Variants in LGR5 observed in about 807,000 individuals in gnomAD.
LGR5 encodes the protein leucine rich repeat containing G protein-coupled receptor 5, also known as leucine-rich repeat-containing G protein-coupled receptor 5.
Under a neutral mutation model 76.7 loss-of-function variants are expected in LGR5, and 54 were observed. That is an observed-to-expected ratio of 0.70 (90% CI 0.57 to 0.88). The LOEUF (loss-of-function observed/expected upper bound fraction) is 0.88. Ranked by LOEUF, LGR5 falls within the 40% of genes least tolerant of loss-of-function variation. The pLI is 0.00. For missense variants in LGR5, 1,078 were observed against 1,073.3 expected (o/e 1.00, Z -0.06); for synonymous variants, 406 against 421.9 (o/e 0.96, Z 0.46).
intron 4 of LGR5, among the ~76,000 whole-genome samples, chr12:71,537,550 T>G (rs945404423): frequency 2.0e-5 from 3 of 152,138 alleles, no homozygotes; most frequent in African/African-American, 7.2e-5. Flanking sequence ...AGATACCATA[T>G]TGTACCAACA....
chr12:71,552,054 G>A (rs1481036332), intron 4 of LGR5, among the ~76,000 whole-genome samples: 1 of 151,884 alleles, frequency 6.6e-6, no homozygotes, highest in African/African-American at 2.4e-5. Flanking sequence ...TGGACACAGA[G>A]AGGGGAACAT....
At chr12:71,493,624 A>G (rs1192989894) in intron 1 of LGR5, among the ~76,000 whole-genome samples, 1 of 151,194 alleles carries the variant, frequency 6.6e-6, no homozygotes, top group Non-Finnish European at 1.5e-5. Context: ...TGGTTTCACA[A>G]ATGAGTTTGT....
At chr12:71,574,815 C>G (rs1878778218) in intron 13 of LGR5, among the ~76,000 whole-genome samples, 1 of 152,134 alleles carries the variant, frequency 6.6e-6, no homozygotes, top group South Asian at 2.1e-4. Context: ...AGAACAAGAT[C>G]TTCTATCTTT....
At chr12:71,553,936 C>T (rs1877629976) in intron 5 of LGR5, among the ~76,000 whole-genome samples, 1 of 152,066 alleles carries the variant, frequency 6.6e-6, no homozygotes, top group African/African-American at 2.4e-5. Flanking sequence ...ACTAAAAGTA[C>T]AAAAATTAGC....
chr12:71,502,300 C>T (rs1024181694), intron 1 of LGR5, among the ~76,000 whole-genome samples: 4 of 148,026 alleles, frequency 2.7e-5, no homozygotes, highest in South Asian at 4.4e-4. Context: ...TGGGTTCAAA[C>T]GATTCTCTTG....
At chr12:71,461,373 C>G (rs1385390580) in intron 1 of LGR5, among the ~76,000 whole-genome samples, 2 of 152,140 alleles carry the variant, frequency 1.3e-5, no homozygotes, top group Non-Finnish European at 2.9e-5. Flanking sequence ...CATATGAAAT[C>G]TAAAATGTCA....
At chr12:71,498,497 C>T (rs1350454092) in intron 1 of LGR5, among the ~76,000 whole-genome samples, 1 of 152,168 alleles carries the variant, frequency 6.6e-6, no homozygotes, top group Non-Finnish European at 1.5e-5. Flanking sequence ...AACATGGTTC[C>T]ATAGTGTAGT....
At chr12:71,566,118 T>A (rs1878328154) in intron 8 of LGR5, among the ~76,000 whole-genome samples, 1 of 152,168 alleles carries the variant, frequency 6.6e-6, no homozygotes. Flanking sequence ...GAGGAAACTG[T>A]TAAGTATTCA....
chr12:71,567,307 T>G, intron 11 of LGR5: 1 of 209,982 alleles, frequency 4.8e-6, no homozygotes, highest in Non-Finnish European at 9.8e-6. Context: ...CACACAATCC[T>G]TGATAAAGGT....
chr12:71,512,609 C>A (rs1247116966), intron 2 of LGR5, among the ~76,000 whole-genome samples: 4 of 152,152 alleles, frequency 2.6e-5, no homozygotes, highest in African/African-American at 7.2e-5. Context: ...AGCACCCCAA[C>A]AGACAAAGGC....
intron 1 of LGR5, among the ~76,000 whole-genome samples, chr12:71,485,608 T>A (rs1301433290): frequency 6.6e-6 from 1 of 152,026 alleles, no homozygotes; most frequent in Non-Finnish European, 1.5e-5. Flanking sequence ...CATTCACCAG[T>A]ACTCCCAGCT....
At chr12:71,563,402 C>A (rs1323027689) in intron 8 of LGR5, among the ~76,000 whole-genome samples, 2 of 152,214 alleles carry the variant, frequency 1.3e-5, no homozygotes, top group Admixed American at 6.5e-5. Context: ...GCCTCCCTCC[C>A]TTCACCGTTG....
intron 3 of LGR5, among the ~76,000 whole-genome samples, chr12:71,530,919 T>C (rs2137357360): frequency 6.6e-6 from 1 of 151,812 alleles, no homozygotes; most frequent in South Asian, 2.1e-4. Flanking sequence ...AGCCATCAGT[T>C]GTAACCAAGT....
At chr12:71,486,402 C>T (rs1168323209) in intron 1 of LGR5, among the ~76,000 whole-genome samples, 1 of 152,092 alleles carries the variant, frequency 6.6e-6, no homozygotes, top group African/African-American at 2.4e-5. Context: ...GGATAAAATG[C>T]ACCAGGGGAG....
intron 1 of LGR5, among the ~76,000 whole-genome samples, chr12:71,460,852 A>G (rs895763300): frequency 6.6e-6 from 1 of 152,112 alleles, no homozygotes; most frequent in Non-Finnish European, 1.5e-5. Context: ...ACTTCTCCAC[A>G]TCTTTGCTCA....
intron 2 of LGR5, among the ~76,000 whole-genome samples, chr12:71,517,374 T>G (rs1875496749): frequency 6.6e-6 from 1 of 152,204 alleles, no homozygotes; most frequent in South Asian, 2.1e-4. Flanking sequence ...TAGTTCTGAA[T>G]ACAGACTCAG....
At chr12:71,513,692 A>T (rs567281997) in intron 2 of LGR5, among the ~76,000 whole-genome samples, 53 of 152,336 alleles carry the variant, frequency 3.5e-4, no homozygotes, top group Admixed American at 3.1e-3. Context: ...GATAAATGGT[A>T]GCTACTATTT....
rs776936724 is a variant in LGR5 at position 71,582,447 on chromosome 12, G to T, written c.1553-9G>T. The T allele has an allele frequency of 2.5e-6, 4 of 1,613,034 alleles. No homozygotes were observed. In the Admixed American group the frequency reaches 6.7e-5, roughly 27 times the overall value. ...AGAACTAATCATTCCAGGACTTCTT[G>T]TGCTGCAGATGAACGTGACCTTGAA... On this transcript the variant is annotated splice_polypyrimidine_tract_variant and intron_variant, in intron 16 of 17. Coordinates refer to ENST00000266674, the MANE Select transcript of LGR5 (RefSeq NM_003667.4).
At chr12:71,472,626 A>T (rs926419883) in intron 1 of LGR5, among the ~76,000 whole-genome samples, 7 of 152,246 alleles carry the variant, frequency 4.6e-5, no homozygotes, top group Non-Finnish European at 1.0e-4. Flanking sequence ...AGATTTTACA[A>T]GAAGAAATAT....
Sources: allele counts gnomAD v4.1 joint callset (sites outside exome capture counted in the v4.1 genomes callset), GRCh38; gene constraint gnomAD v4.1.1; transcripts MANE v1.5; gene names NCBI Gene and HGNC (gene_info 2026-07-23, HGNC 2026-07-21).